The following SEM1 variants were observed in gnomAD, a reference collection of about 807,000 sequenced individuals.
SEM1 encodes SEM1 26S proteasome subunit.
SEM1 carries 3 observed loss-of-function variants against 12.7 expected under a neutral mutation model. That is an observed-to-expected ratio of 0.24 (90% CI 0.11 to 0.61). The LOEUF (loss-of-function observed/expected upper bound fraction) is 0.61, where lower values mean the gene tolerates loss of function less well. Ranked by LOEUF, SEM1 falls within the 20% of genes least tolerant of loss-of-function variation. The pLI is 0.88. For synonymous variants in SEM1, 30 were observed against 27.8 expected (o/e 1.08, Z -0.25); for missense variants, 59 against 81.3 (o/e 0.73, Z 1.06).
intron 1 of SEM1, among the ~76,000 whole-genome samples, chr7:96,700,772 A>G (rs1417088702): frequency 6.6e-6 from 1 of 152,166 alleles, no homozygotes; most frequent in African/African-American, 2.4e-5. Context: ...ATAGTTTTTC[A>G]AAGAGTTTTT....
chr7:96,505,299 T>C (rs1383874731), intron 3 of SEM1, among the ~76,000 whole-genome samples: 1 of 151,982 alleles, frequency 6.6e-6, no homozygotes, highest in Non-Finnish European at 1.5e-5. Flanking sequence ...AGACAGGGTT[T>C]CACCATGTTG....
intron 2 of SEM1, among the ~76,000 whole-genome samples, chr7:96,577,578 A>G (rs1292448962): frequency 2.6e-5 from 4 of 152,116 alleles, no homozygotes; most frequent in African/African-American, 7.2e-5. Flanking sequence ...AGAATTCAAA[A>G]CCACAAAGAA....
At chr7:96,623,764 G>T (rs1181079889) in intron 2 of SEM1, among the ~76,000 whole-genome samples, 1 of 151,964 alleles carries the variant, frequency 6.6e-6, no homozygotes, top group African/African-American at 2.4e-5. Flanking sequence ...AAACTTGGTG[G>T]CTTAAAATAA....
intron 2 of SEM1, among the ~76,000 whole-genome samples, chr7:96,596,750 C>A (rs1807009850): frequency 6.6e-6 from 1 of 152,144 alleles, no homozygotes; most frequent in Non-Finnish European, 1.5e-5. Context: ...GAAAAATGAT[C>A]CAGAGCTTTC....
chr7:96,548,231 C>G (rs1292617934), intron 2 of SEM1, among the ~76,000 whole-genome samples: 1 of 152,128 alleles, frequency 6.6e-6, no homozygotes, highest in Non-Finnish European at 1.5e-5. Flanking sequence ...TTCTTAATCC[C>G]AAGTCTCTTC....
intron 2 of SEM1, chr7:96,484,994 C>T (rs368559408): frequency 1.4e-4 from 61 of 436,016 alleles, no homozygotes; most frequent in South Asian, 8.1e-4. Flanking sequence ...TATTAAGTGC[C>T]TCATAGTATA....
intron 2 of SEM1, among the ~76,000 whole-genome samples, chr7:96,554,544 G>T (rs1409630476): frequency 1.4e-5 from 2 of 147,998 alleles, no homozygotes; most frequent in African/African-American, 2.5e-5. Context: ...CAGGGATGAA[G>T]CCCACTTGAT....
At chr7:96,609,273 C>T (rs893727692) in intron 2 of SEM1, among the ~76,000 whole-genome samples, 12 of 152,252 alleles carry the variant, frequency 7.9e-5, no homozygotes, top group Admixed American at 1.3e-4. Flanking sequence ...TGAACTATGA[C>T]ATAGATGGTA....
At chr7:96,570,247 C>A (rs546372008) in intron 2 of SEM1, among the ~76,000 whole-genome samples, 2 of 150,528 alleles carry the variant, frequency 1.3e-5, no homozygotes, top group East Asian at 3.9e-4. Context: ...GTAGAATGTG[C>A]AGGTTTGTTA....
chr7:96,486,478 G>A (rs1802774501), intron 1 of SEM1: 35 of 1,360,912 alleles, frequency 2.6e-5, no homozygotes, highest in South Asian at 1.6e-4. Context: ...GTGAGGAGGC[G>A]GGCACCTGTT....
chr7:96,525,452 G>A (rs1804424212), intron 2 of SEM1, among the ~76,000 whole-genome samples: 1 of 152,174 alleles, frequency 6.6e-6, no homozygotes, highest in East Asian at 1.9e-4. Context: ...TGGAGGCCGG[G>A]TACAACTCGG....
chr7:96,681,869 CTCT>C (rs907299449), intron 2 of SEM1, among the ~76,000 whole-genome samples: 2 of 152,064 alleles, frequency 1.3e-5, no homozygotes, highest in Admixed American at 6.6e-5. Context: ...GCTATGCAGG[CTCT>C]TTTTTGGTTT....
exon 4 of SEM1, chr7:96,481,980 T>G (rs1480445231): frequency 6.6e-6 from 1 of 152,152 alleles, no homozygotes; most frequent in Non-Finnish European, 1.5e-5. Flanking sequence ...AAGAGAAGCA[T>G]GAAAAAGGAT....
chr7:96,654,430 A>T (rs1391764067), intron 2 of SEM1, among the ~76,000 whole-genome samples: 10 of 152,208 alleles, frequency 6.6e-5, no homozygotes, highest in Non-Finnish European at 1.3e-4. Context: ...CAGCATTATG[A>T]TGGTGTGAAA....
At chr7:96,521,499 G>A (rs1804269188) in intron 2 of SEM1, among the ~76,000 whole-genome samples, 1 of 152,008 alleles carries the variant, frequency 6.6e-6, no homozygotes, top group African/African-American at 2.4e-5. Context: ...ATCATTTAGG[G>A]GCAATTCATC....
At chr7:96,703,545 C>G (rs11772629) in intron 1 of SEM1, among the ~76,000 whole-genome samples, 52,156 of 151,716 alleles carry the variant, frequency 0.34, 10,364 homozygotes, top group East Asian at 0.67. Context: ...AGCACACACA[C>G]AAAAAGATGT....
intron 2 of SEM1, among the ~76,000 whole-genome samples, chr7:96,681,840 T>C (rs1296052606): frequency 6.6e-6 from 1 of 152,192 alleles, no homozygotes; most frequent in African/African-American, 2.4e-5. Flanking sequence ...CTTTGTTCTT[T>C]TTGCTTAGGA....
In SEM1 at chr7:96,683,519, C is replaced by T. The variant is rs1015055485; in HGVS notation, c.171-9660G>A. Among the ~76,000 whole-genome samples the T allele has an allele frequency of 2.6e-5, 4 of 152,294 alleles. No homozygotes were observed. The East Asian group carries it at 7.7e-4, about 29-fold the overall frequency. ...GAACCAGAAATACCATTTGGCCCAG[C>T]AATCCCATTACTGGGTATATACCCA... is the stretch of plus-strand genomic sequence containing the variant. On this transcript the variant is annotated intron_variant, in intron 2 of 2. Coordinates refer to the SEM1 transcript ENST00000413065.
At chr7:96,688,990 C>A in intron 2 of SEM1, 24 bp from the exon 3 acceptor site, 1 of 1,424,016 alleles carries the variant, frequency 7.0e-7, no homozygotes, top group East Asian at 2.3e-5. Flanking sequence ...GAAAGAACAT[C>A]ACTAGGTATT....
Sources: allele counts gnomAD v4.1 joint callset (sites outside exome capture counted in the v4.1 genomes callset), GRCh38; gene constraint gnomAD v4.1.1; transcripts MANE v1.5; gene names NCBI Gene and HGNC (gene_info 2026-07-23, HGNC 2026-07-21).